FBXO4: variants seen among roughly 807,000 people sequenced by gnomAD.
The protein encoded by FBXO4 is F-box protein 4, also known as F-box only protein 4.
FBXO4 carries 36 observed loss-of-function variants against 43.7 expected under a neutral mutation model. The ratio of observed to expected loss-of-function variants is 0.82; its 90% CI spans 0.63 to 1.09. The LOEUF (loss-of-function observed/expected upper bound fraction) is 1.09, where lower values mean the gene tolerates loss of function less well. Ranked by LOEUF, FBXO4 falls within the 50% of genes least tolerant of loss-of-function variation. The pLI, the probability that FBXO4 is intolerant of heterozygous loss-of-function variation, is 0.00. For missense variants in FBXO4, 435 were observed against 474.1 expected (o/e 0.92, Z 0.77); for synonymous variants, 180 against 165.6 (o/e 1.09, Z -0.67).
the FBXO4 span, among the ~76,000 whole-genome samples, chr5:41,969,012 T>C: frequency 1.3e-5 from 2 of 152,214 alleles, no homozygotes; most frequent in African/African-American, 4.8e-5. Context: ...AAAGTTCCAA[T>C]CCAACAAATG....
In FBXO4 at chr5:41,931,394, T is replaced by G. The variant is rs1361739904; in HGVS notation, c.646+1477T>G. 3.3e-5 allele frequency among the ~76,000 whole-genome samples: 5 copies of G among 152,192 alleles called. 1 individual carries two copies. The highest frequency in any genetic ancestry group is 1.5e-5 in the Non-Finnish European group (1 of 68,020). On this transcript the variant is annotated intron_variant, in intron 3 of 6. Transcript: ENST00000281623. ...ATAGAGGATTCACTAGGGTAATAAA[T>G]CACTGGAGAAGTTAAGAAAAATTTG... is the stretch of plus-strand genomic sequence containing the variant.
At chr5:41,988,070 G>C in the FBXO4 span, among the ~76,000 whole-genome samples, 1 of 152,184 alleles carries the variant, frequency 6.6e-6, no homozygotes, top group East Asian at 1.9e-4. Flanking sequence ...GATGTAATAG[G>C]TAAAATGAAC....
the FBXO4 span, among the ~76,000 whole-genome samples, chr5:41,999,504 T>C: frequency 2.0e-4 from 13 of 65,196 alleles, no homozygotes; most frequent in African/African-American, 1.2e-3. Context: ...CATATATATA[T>C]GTGTATATAT....
chr5:41,987,319 A>C, the FBXO4 span, among the ~76,000 whole-genome samples: 1 of 152,146 alleles, frequency 6.6e-6, no homozygotes, highest in Non-Finnish European at 1.5e-5. Flanking sequence ...CCCTTCACAA[A>C]TTTCTTTAAC....
At chr5:41,930,026 T>C (rs1751633819) in intron 3 of FBXO4, 109 bp downstream of exon 3, 1 of 922,152 alleles carries the variant, frequency 1.1e-6, no homozygotes. Flanking sequence ...TGAAGTACAG[T>C]ACTTTGGTTG....
the FBXO4 span, among the ~76,000 whole-genome samples, chr5:41,995,885 T>C: frequency 5.2e-3 from 795 of 152,346 alleles, 9 homozygotes; most frequent in African/African-American, 0.018. Flanking sequence ...AGTGCACAAC[T>C]AGTTGCACTG....
At chr5:42,028,436 T>C in the FBXO4 span, among the ~76,000 whole-genome samples, 1 of 151,902 alleles carries the variant, frequency 6.6e-6, no homozygotes, top group African/African-American at 2.4e-5. Context: ...GTGTGTTTCT[T>C]ACAGACAACA....
chr5:42,036,147 T>C, the FBXO4 span, among the ~76,000 whole-genome samples: 2 of 152,248 alleles, frequency 1.3e-5, no homozygotes, highest in East Asian at 1.9e-4. Flanking sequence ...AATTAGAATT[T>C]TGGAAGATAA....
chr5:41,943,999 C>A (rs1444603873), downstream of FBXO4, among the ~76,000 whole-genome samples: 1 of 152,126 alleles, frequency 6.6e-6, no homozygotes, highest in Admixed American at 6.5e-5. Flanking sequence ...CAGGAGAAAC[C>A]AAACCTGTTG....
At chr5:41,968,399 G>T in the FBXO4 span, 1 of 152,916 alleles carries the variant, frequency 6.5e-6, no homozygotes, top group South Asian at 2.0e-4. Flanking sequence ...GGCTGACAGT[G>T]ATTTTAAATA....
chr5:41,934,001 A>G lies in FBXO4; in HGVS notation c.702A>G (p.Leu234=), dbSNP rs1322865578. The change falls in exon 4 of 7, where the codon CTA becomes CTG. Residue 234 remains leucine (L), a synonymous_variant. Coordinates refer to ENST00000281623, the MANE Select transcript of FBXO4 (RefSeq NM_012176.3). ...QLNNQHKFNI[L]ILYSTTRKER... ...ACAACCAACATAAATTCAACATTCTAATCTTATATTCAACTACCAGGTAAG... is the reference window on the plus strand; with the variant it reads ...ACAACCAACATAAATTCAACATTCTGATCTTATATTCAACTACCAGGTAAG... The G allele has an allele frequency of 3.1e-6, 5 of 1,613,862 alleles. No individual in the cohort carries two copies. The Admixed American group carries it at 6.7e-5, about 22-fold the overall frequency.
the FBXO4 span, among the ~76,000 whole-genome samples, chr5:42,016,576 A>G: frequency 8.5e-5 from 13 of 152,116 alleles, no homozygotes; most frequent in African/African-American, 2.9e-4. Flanking sequence ...TTAAATAAAC[A>G]ATTTTTTTAT....
intron 6 of FBXO4, 58 bp from the exon 7 acceptor site, chr5:41,941,134 C>A: frequency 7.4e-7 from 1 of 1,346,308 alleles, no homozygotes; most frequent in Non-Finnish European, 1.1e-6. Flanking sequence ...GTCCCTCCTA[C>A]TCATAAGATT....
chr5:41,933,854 T>C lies in FBXO4; in HGVS notation c.647-92T>C, dbSNP rs1751766898. The C allele has an allele frequency of 4.0e-6, 4 of 987,868 alleles. No individual in the cohort carries two copies. In the Admixed American group the frequency reaches 9.6e-5, roughly 24 times the overall value. 61.2% of individuals were successfully genotyped at this position (987,868 alleles called of 1,614,324 possible). ...ATAAGTTGTTATAGAATTTTTTCTT[T>C]ACTCTTTTTGCTTTCACCGGGTAAT... On this transcript the variant is annotated intron_variant, in intron 3 of 6. Transcript: ENST00000281623.
chr5:41,996,389 G>T, the FBXO4 span, among the ~76,000 whole-genome samples: 22 of 152,292 alleles, frequency 1.4e-4, no homozygotes, highest in African/African-American at 5.3e-4. Context: ...AAGGAGAGTA[G>T]TTATCTGCAA....
chr5:42,032,726 C>G, the FBXO4 span, among the ~76,000 whole-genome samples: 18 of 152,276 alleles, frequency 1.2e-4, no homozygotes, highest in Middle Eastern at 6.8e-3. Flanking sequence ...CTCTACCCCC[C>G]CGTGGCTGTG....
chr5:41,955,291 A>G, the FBXO4 span, among the ~76,000 whole-genome samples: 1 of 152,208 alleles, frequency 6.6e-6, no homozygotes, highest in Non-Finnish European at 1.5e-5. Flanking sequence ...CAGGATTTCA[A>G]TCATTATGTA....
the FBXO4 span, among the ~76,000 whole-genome samples, chr5:41,998,525 G>T: frequency 6.6e-6 from 1 of 152,116 alleles, no homozygotes; most frequent in South Asian, 2.1e-4. Context: ...CCATGTTTTA[G>T]TTAACCCAGC....
chr5:41,967,288 CT>C, the FBXO4 span: 1 of 453,994 alleles, frequency 2.2e-6, no homozygotes. Flanking sequence ...ATATAACTGG[CT>C]TTTTGCCTAA....
Sources: allele counts gnomAD v4.1 joint callset (sites outside exome capture counted in the v4.1 genomes callset), GRCh38; gene constraint gnomAD v4.1.1; transcripts MANE v1.5; gene names NCBI Gene and HGNC (gene_info 2026-07-23, HGNC 2026-07-21).